L3MBTL4: variants seen among roughly 807,000 people sequenced by gnomAD.
The protein encoded by L3MBTL4 is L3MBTL histone methyl-lysine binding protein 4.
Under a neutral mutation model 84.5 loss-of-function variants are expected in L3MBTL4, and 70 were observed. That is an observed-to-expected ratio of 0.83 (90% CI 0.68 to 1.01). L3MBTL4 has a LOEUF of 1.01. Ranked by LOEUF, L3MBTL4 falls within the 50% of genes least tolerant of loss-of-function variation. The pLI is 0.00. For synonymous variants in L3MBTL4, 274 were observed against 259.8 expected (o/e 1.05, Z -0.52); for missense variants, 715 against 754.8 (o/e 0.95, Z 0.62).
intron 11 of L3MBTL4, 128 bp downstream of exon 11, chr18:6,215,622 T>G: frequency 2.0e-6 from 1 of 489,888 alleles, no homozygotes; most frequent in Non-Finnish European, 3.6e-6. Context: ...AAGAAAAGCA[T>G]ATTGGTTATG....
Position 6,171,914 on chromosome 18 carries a change from T to C in L3MBTL4, c.1010A>G (p.Tyr337Cys). The part of the protein sequence containing the change: ...KVHFDGWDHK[Y>C]DYWVEADSPD... ...GCTGTCTGCCTCCACCCAGTAGTCA[T>C]ACTTATGGTCCCAACCATCAAAATG... The change falls in exon 13 of 19, where the codon TAT becomes TGT. Residue 337 changes from tyrosine (Y) to cysteine (C), a missense_variant. Tyr to Cys is a radical substitution (Grantham distance 194). Coordinates refer to ENST00000317931, the MANE Select transcript of L3MBTL4 (RefSeq NM_001330559.2). 1 of 1,555,172 alleles carries C rather than the reference T, an allele frequency of 6.4e-7. No individual in the cohort carries two copies. The highest frequency in any genetic ancestry group is 2.4e-5 in the East Asian group (1 of 41,894).
chr18:6,320,132 G>T (rs761238986), intron 1 of L3MBTL4, among the ~76,000 whole-genome samples: 1 of 151,968 alleles, frequency 6.6e-6, no homozygotes, highest in African/African-American at 2.4e-5. Context: ...ACTAGACATA[G>T]AAGGGACACA....
intron 3 of L3MBTL4, among the ~76,000 whole-genome samples, chr18:6,304,159 C>A (rs2146862769): frequency 6.6e-6 from 1 of 152,022 alleles, no homozygotes; most frequent in East Asian, 1.9e-4. Flanking sequence ...CTATTAATTT[C>A]ATTTTCCTAC....
At chr18:6,001,623 G>GA (rs1161247889) in intron 16 of L3MBTL4, among the ~76,000 whole-genome samples, 5 of 150,810 alleles carry the variant, frequency 3.3e-5, no homozygotes, top group Non-Finnish European at 5.9e-5. Context: ...CCACTCAAAG[G>GA]AAAAAAATCA....
chr18:5,978,512 C>T (rs528182919), intron 16 of L3MBTL4, among the ~76,000 whole-genome samples: 13 of 152,312 alleles, frequency 8.5e-5, no homozygotes, highest in South Asian at 8.3e-4. Context: ...ACTGAAGGAA[C>T]ACCAGCATCA....
At chr18:6,297,330 G>T (rs1371024285) in intron 4 of L3MBTL4, among the ~76,000 whole-genome samples, 1 of 152,192 alleles carries the variant, frequency 6.6e-6, no homozygotes, top group African/African-American at 2.4e-5. Context: ...ATTCTGGGCT[G>T]TCTTGGGACA....
intron 14 of L3MBTL4, among the ~76,000 whole-genome samples, chr18:6,126,659 A>C (rs1341219978): frequency 6.6e-6 from 1 of 152,138 alleles, no homozygotes; most frequent in African/African-American, 2.4e-5. Context: ...TTGAATTCTC[A>C]CATAATTATT....
intron 13 of L3MBTL4, among the ~76,000 whole-genome samples, chr18:6,149,437 C>G (rs531505454): frequency 1.3e-5 from 2 of 151,830 alleles, no homozygotes; most frequent in African/African-American, 2.4e-5. Context: ...TTTTCTTAAT[C>G]CAGTCTATCA....
Position 6,212,326 on chromosome 18 carries a change from G to A in L3MBTL4, c.981+823C>T, listed in dbSNP as rs565832856. Among the ~76,000 whole-genome samples, 27 of 152,170 alleles carry A rather than the reference G, an allele frequency of 1.8e-4. 1 individual carries two copies. The highest frequency in any genetic ancestry group is 1.2e-3 in the South Asian group (6 of 4,804). On this transcript the variant is annotated intron_variant, in intron 12 of 18. Coordinates refer to ENST00000317931, the MANE Select transcript of L3MBTL4 (RefSeq NM_001330559.2). ...GATATTATTTTCAAATTAGGGATAC[G>A]GCAAATAAGATTTCTTTTAAATTAT...
chr18:6,250,333 G>GT (rs1245057475), intron 5 of L3MBTL4, among the ~76,000 whole-genome samples: 1 of 152,114 alleles, frequency 6.6e-6, no homozygotes, highest in African/African-American at 2.4e-5. Flanking sequence ...TAGAGAAACT[G>GT]AAGACAAGCT....
chr18:6,185,894 G>A lies in L3MBTL4; in HGVS notation c.982-13952C>T, dbSNP rs141328256. Among the ~76,000 whole-genome samples the A allele has an allele frequency of 3.2e-3, 485 of 152,198 alleles. 2 individuals carry two copies. Among genetic ancestry groups the A allele is most frequent in the African/African-American group, 0.01 (425 of 41,492 alleles). On this transcript the variant is annotated intron_variant, in intron 12 of 18. Transcript: ENST00000317931. ...GCAAGGCAGCCACTGCAAGGGGCCCGGATCTGGGCTGACTCAGCCAGAAGA... is the reference window on the plus strand; with the variant it reads ...GCAAGGCAGCCACTGCAAGGGGCCCAGATCTGGGCTGACTCAGCCAGAAGA...
chr18:6,360,913 T>A (rs531101038), intron 1 of L3MBTL4, among the ~76,000 whole-genome samples: 1 of 151,576 alleles, frequency 6.6e-6, no homozygotes, highest in East Asian at 1.9e-4. Context: ...CCTGGGAGAC[T>A]TAGGAGGTAG....
At chr18:6,408,744 C>T (rs1166017528) in intron 1 of L3MBTL4, among the ~76,000 whole-genome samples, 1 of 150,976 alleles carries the variant, frequency 6.6e-6, no homozygotes, top group Non-Finnish European at 1.5e-5. Flanking sequence ...TGCAGTTGTG[C>T]AATCTCGGCT....
upstream of L3MBTL4, chr18:6,415,134 A>G (rs2056144522): frequency 6.6e-6 from 1 of 152,082 alleles, no homozygotes; most frequent in Non-Finnish European, 1.5e-5. Context: ...CCTGGGAAGG[A>G]TTCCCCCAAA....
At chr18:6,012,290 T>C (rs574513110) in intron 16 of L3MBTL4, among the ~76,000 whole-genome samples, 1 of 152,282 alleles carries the variant, frequency 6.6e-6, no homozygotes, top group Non-Finnish European at 1.5e-5. Flanking sequence ...GAGGGATGTA[T>C]AGTTATGTTT....
intron 16 of L3MBTL4, among the ~76,000 whole-genome samples, chr18:6,052,810 T>C (rs1246480758): frequency 6.6e-6 from 1 of 152,214 alleles, no homozygotes; most frequent in Non-Finnish European, 1.5e-5. Context: ...ATTCCAACAC[T>C]GCTAGTTCTC....
At chr18:6,360,063 T>A (rs949285662) in intron 1 of L3MBTL4, among the ~76,000 whole-genome samples, 16 of 152,262 alleles carry the variant, frequency 1.1e-4, no homozygotes, top group African/African-American at 3.4e-4. Context: ...CAGAACTCTA[T>A]AAGGAGAATG....
In L3MBTL4 at chr18:5,990,914, G is replaced by A. The variant is rs191094756; in HGVS notation, c.1445-21352C>T. 2.6e-5 allele frequency among the ~76,000 whole-genome samples: 4 copies of A among 152,192 alleles called. No homozygotes were observed. The East Asian group carries it at 5.8e-4, about 22-fold the overall frequency. ...GAGATACATGTGTAAAGCACACAGG[G>A]CCTAGGCTTGGAATATCATTTTCTT... On this transcript the variant is annotated intron_variant, in intron 16 of 18. Transcript: ENST00000317931.
At chr18:6,235,160 G>A (rs970037539) in intron 10 of L3MBTL4, among the ~76,000 whole-genome samples, 6 of 152,088 alleles carry the variant, frequency 3.9e-5, no homozygotes, top group South Asian at 2.1e-4. Context: ...ACACACCGGG[G>A]CCTGTTGTGG....
Sources: gnomAD v4.1 joint callset for allele counts (sites outside exome capture counted in the v4.1 genomes callset) on GRCh38, gnomAD v4.1.1 for gene constraint, MANE v1.5 for transcripts, NCBI Gene and HGNC (gene_info 2026-07-23, HGNC 2026-07-21) for gene names.